The following PPT2 variants were observed in gnomAD, a reference collection of about 807,000 sequenced individuals.
The protein encoded by PPT2 is lysosomal thioesterase PPT2.
PPT2 carries 20 observed loss-of-function variants against 37.3 expected under a neutral mutation model. That is an observed-to-expected ratio of 0.54 (90% CI 0.38 to 0.78). The LOEUF (loss-of-function observed/expected upper bound fraction) is 0.78. Ranked by LOEUF, PPT2 falls within the 30% of genes least tolerant of loss-of-function variation. The pLI is 0.00. For synonymous variants in PPT2, 135 were observed against 159.1 expected (o/e 0.85, Z 1.14); for missense variants, 270 against 389.8 (o/e 0.69, Z 2.59).
upstream of PPT2, chr6:32,153,963 G>A: frequency 7.5e-7 from 1 of 1,339,876 alleles, no homozygotes; most frequent in East Asian, 3.0e-5. The surrounding 1 kb of genome is among the most constrained non-coding windows in gnomAD (Gnocchi z 4.4). Context: ...TCTCCCCACT[G>A]GCCTAAATGG....
Position 32,156,979 on chromosome 6 carries a change from G to A in PPT2, c.542-658G>A, listed in dbSNP as rs545274442. The A allele has an allele frequency of 1.3e-4, 19 of 151,532 alleles. No individual in the cohort carries two copies. In the Admixed American group the frequency reaches 1.3e-3, roughly 10 times the overall value. 9.4% of individuals were successfully genotyped at this position (151,532 alleles called of 1,614,324 possible). A position where few individuals can be genotyped will look rare whatever the true frequency, so the allele number is the denominator to read the frequency against. On this transcript the variant is annotated intron_variant, in intron 5 of 8. Transcript: ENST00000324816. This position sits in a 1 kb window ranked among gnomAD's most constrained non-coding sequence, Gnocchi z 4.9. Reference sequence around the variant, plus strand: ...GCGCATCACCTGAGGTCGGGTTCGAGACCAGCCTGGCCAACATGGTGAAAC... The same window carrying A: ...GCGCATCACCTGAGGTCGGGTTCGAAACCAGCCTGGCCAACATGGTGAAAC...
Position 32,163,301 on chromosome 6 carries a change from G to A in PPT2, c.*351G>A. The A allele has an allele frequency of 3.7e-6, 1 of 273,158 alleles. No individual in the cohort carries two copies. Among genetic ancestry groups the A allele is most frequent in the Non-Finnish European group, 6.9e-6 (1 of 144,306 alleles). 16.9% of individuals were successfully genotyped at this position (273,158 alleles called of 1,614,324 possible). A position where few individuals can be genotyped will look rare whatever the true frequency, so the allele number is the denominator to read the frequency against. On this transcript the variant is annotated 3_prime_UTR_variant, in exon 9 of 9. Transcript: ENST00000324816. ...CTCCGTATCTGGCTGTATGGGTGGA[G>A]AACCCACCCCCTGCCCACCACAGGG...
In PPT2 at chr6:32,162,282, C is replaced by G. The variant is rs547123562; in HGVS notation, c.711-286C>G. On this transcript the variant is annotated intron_variant, in intron 7 of 8. Coordinates refer to ENST00000324816, the MANE Select transcript of PPT2 (RefSeq NM_005155.7). This position sits in a 1 kb window ranked among gnomAD's most constrained non-coding sequence, Gnocchi z 5.5. ...TCACCCAGGCTGAAGTGCAGTGGTGCGATCTCGACTCAATGCAACCTCCAC... is the reference window on the plus strand; with the variant it reads ...TCACCCAGGCTGAAGTGCAGTGGTGGGATCTCGACTCAATGCAACCTCCAC... Among the ~76,000 whole-genome samples the G allele has an allele frequency of 6.6e-6, 1 of 152,080 alleles. No individual in the cohort carries two copies. Among genetic ancestry groups the G allele is most frequent in the Non-Finnish European group, 1.5e-5 (1 of 68,020 alleles).
Position 32,155,787 on chromosome 6 carries a change from A to C in PPT2, c.433+4A>C. ...CCACAGATGGGACAGTATGGAGGTGAGTGGGCACTAGACTCCATAGAATGC... is the reference window on the plus strand; with the variant it reads ...CCACAGATGGGACAGTATGGAGGTGCGTGGGCACTAGACTCCATAGAATGC... On this transcript the variant is annotated splice_donor_region_variant and intron_variant, in intron 4 of 8. Transcript: ENST00000324816. This position sits in a 1 kb window ranked among gnomAD's most constrained non-coding sequence, Gnocchi z 4.3. 2 of 1,612,786 alleles carry C rather than the reference A, an allele frequency of 1.2e-6. No homozygotes were observed. Among genetic ancestry groups the C allele is most frequent in the Non-Finnish European group, 1.7e-6 (2 of 1,178,814 alleles).
intron 7 of PPT2, among the ~76,000 whole-genome samples, chr6:32,159,335 A>G (rs1340643856): frequency 6.7e-6 from 1 of 149,716 alleles, no homozygotes; most frequent in East Asian, 2.0e-4. Flanking sequence ...TGGGAGGCTG[A>G]GGCAGGAGAA....
At chr6:32,154,060 C>T (rs1783546666), upstream of PPT2, 1 of 1,106,010 alleles carries the variant, frequency 9.0e-7, no homozygotes, top group Non-Finnish European at 1.1e-6. The surrounding 1 kb of genome is among the most constrained non-coding windows in gnomAD (Gnocchi z 7.3). Context: ...TTGCGGGGAA[C>T]GCTCGCGCGG....
intron 7 of PPT2, among the ~76,000 whole-genome samples, chr6:32,159,761 G>A (rs1243252079): frequency 4.1e-5 from 6 of 144,770 alleles, no homozygotes; most frequent in Non-Finnish European, 7.5e-5. Flanking sequence ...TGTTCTTGTC[G>A]CCCAGGCTAG....
rs1783823406 is a variant in PPT2 at position 32,156,626 on chromosome 6, A to T, written c.541+648A>T. Among the ~76,000 whole-genome samples the T allele has an allele frequency of 6.6e-6, 1 of 152,184 alleles. No homozygotes were observed. Among genetic ancestry groups the T allele is most frequent in the Non-Finnish European group, 1.5e-5 (1 of 68,028 alleles). On this transcript the variant is annotated intron_variant, in intron 5 of 8. Transcript: ENST00000324816. The surrounding 1 kb of genome is among the most constrained non-coding windows in gnomAD (Gnocchi z 4.9). ...GTTCCAGTAAAACTTCATTTACAAA[A>T]ACAAGTAGCAGGCTGGATTTGGTCC...
chr6:32,159,724 C>CTT (rs1262133551), intron 7 of PPT2, among the ~76,000 whole-genome samples: 4 of 141,850 alleles, frequency 2.8e-5, no homozygotes, highest in Non-Finnish European at 3.1e-5. Context: ...CTGTTTCTTC[C>CTT]TTTTTTTTTT....
In PPT2 at chr6:32,155,298, G is replaced by T; in HGVS notation, c.337+115G>T. 1 of 1,247,800 alleles carries T rather than the reference G, an allele frequency of 8.0e-7. No individual in the cohort carries two copies. The highest frequency in any genetic ancestry group is 1.1e-6 in the Non-Finnish European group (1 of 892,162). The allele number at this position is 1,247,800 out of a possible 1,614,324, so 77.3% of individuals were successfully genotyped here. On this transcript the variant is annotated intron_variant, in intron 3 of 8. Coordinates refer to ENST00000324816, the MANE Select transcript of PPT2 (RefSeq NM_005155.7). This position sits in a 1 kb window ranked among gnomAD's most constrained non-coding sequence, Gnocchi z 4.3. ...CCACATTGCTCCAGGCACAACCCTG[G>T]TACCTGAGCCCTTCCTTTCTGACTT...
At position 32,155,661 on chromosome 6, in the gene PPT2, C is replaced by G; in HGVS notation, c.338-27C>G. On this transcript the variant is annotated intron_variant, in intron 3 of 8. Coordinates refer to ENST00000324816, the MANE Select transcript of PPT2 (RefSeq NM_005155.7). This position sits in a 1 kb window ranked among gnomAD's most constrained non-coding sequence, Gnocchi z 4.3. ...TGCTGGCTTTGCTGTCCTTAAGTGC[C>G]TGCCCAATGTGGTGTTCTGCTTACA... The G allele has an allele frequency of 6.2e-7, 1 of 1,600,606 alleles. No homozygotes were observed. The highest frequency in any genetic ancestry group is 8.6e-7 in the Non-Finnish European group (1 of 1,168,748).
chr6:32,154,153 C>A lies in PPT2; in HGVS notation c.-260C>A, dbSNP rs561545255. 2 of 1,095,184 alleles carry A rather than the reference C, an allele frequency of 1.8e-6. No individual in the cohort carries two copies. The highest frequency in any genetic ancestry group is 2.2e-6 in the Non-Finnish European group (2 of 899,046). 67.8% of individuals were successfully genotyped at this position (1,095,184 alleles called of 1,614,324 possible). ...CCCCCTCCCATCCGTCATTCCCCTG[C>A]GCTCTCTTTCCTCACCCTTCCCCCC... On this transcript the variant is annotated 5_prime_UTR_variant, in exon 1 of 9. Transcript: ENST00000324816. This position sits in a 1 kb window ranked among gnomAD's most constrained non-coding sequence, Gnocchi z 7.3.
rs1554127208 is a variant in PPT2 at position 32,155,584 on chromosome 6, C to CTCTCTGTG, written c.338-103_338-102insCTCTGTGT. The CTCTCTGTG allele has an allele frequency of 7.2e-6, 5 of 698,634 alleles. No individual in the cohort carries two copies. The African/African-American group carries it at 1.1e-4, about 15-fold the overall frequency. The allele number at this position is 698,634 out of a possible 1,614,324, so 43.3% of individuals were successfully genotyped here. ...GTACAGTGTGTGTCTGTGTGTGTCTCTGTGTGTGTGTGTGTGTGTGTGTGT... is the reference window on the plus strand; with the variant it reads ...GTACAGTGTGTGTCTGTGTGTGTCTCTCTCTGTGTGTGTGTGTGTGTGTGTGTGTGTGT... On this transcript the variant is annotated intron_variant, in intron 3 of 8. Transcript: ENST00000324816. The surrounding 1 kb of genome is among the most constrained non-coding windows in gnomAD (Gnocchi z 4.3).
chr6:32,158,195 A>T, intron 7 of PPT2: 1 of 430,736 alleles, frequency 2.3e-6, no homozygotes, highest in Admixed American at 4.0e-5. Flanking sequence ...ATTCTTATAG[A>T]TTCATAGGAA....
rs1214672335 is a variant in PPT2 at position 32,154,537 on chromosome 6, G to A, written c.-8-50G>A. On this transcript the variant is annotated intron_variant, in intron 1 of 8. Coordinates refer to ENST00000324816, the MANE Select transcript of PPT2 (RefSeq NM_005155.7). The surrounding 1 kb of genome is among the most constrained non-coding windows in gnomAD (Gnocchi z 7.3). ...TGATTGCCGGGCGTCTGTTCCGAGG[G>A]AGGAGGGTGTTGCCATCTCCCTCAC... 1.3e-6 allele frequency: 2 copies of A among 1,555,520 alleles called. No individual in the cohort carries two copies. Among genetic ancestry groups the A allele is most frequent in the South Asian group, 1.2e-5 (1 of 83,510 alleles).
At position 32,156,039 on chromosome 6, in the gene PPT2, A is replaced by G. The variant is rs551916341; in HGVS notation, c.541+61A>G. On this transcript the variant is annotated intron_variant, in intron 5 of 8. Coordinates refer to ENST00000324816, the MANE Select transcript of PPT2 (RefSeq NM_005155.7). This position sits in a 1 kb window ranked among gnomAD's most constrained non-coding sequence, Gnocchi z 4.9. ...CAGGTCAGTTGCTTCCACCTCTGCT[A>G]CAACCAATAGCAGTGATGACAATAA... 1.7e-6 allele frequency: 2 copies of G among 1,202,266 alleles called. No individual in the cohort carries two copies. Among genetic ancestry groups the G allele is most frequent in the East Asian group, 4.6e-5 (2 of 43,018 alleles). The allele number at this position is 1,202,266 out of a possible 1,614,324, so 74.5% of individuals were successfully genotyped here. A position where few individuals can be genotyped will look rare whatever the true frequency, so the allele number is the denominator to read the frequency against.
At position 32,155,725 on chromosome 6, in the gene PPT2, T is replaced by G. The variant is rs1411790409; in HGVS notation, c.375T>G (p.Asp125Glu). The change falls in exon 4 of 9, where the codon GAT (aspartate) becomes GAG (glutamate). Residue 125 changes from aspartate to glutamate, a missense_variant. Coordinates refer to ENST00000324816, the MANE Select transcript of PPT2 (RefSeq NM_005155.7). This position sits in a 1 kb window ranked among gnomAD's most constrained non-coding sequence, Gnocchi z 4.3. ...LVCRALLSVM[D>E]DHNVDSFISL... The stretch of plus-strand genomic sequence containing the variant: ...GCCGGGCTCTGCTTTCTGTCATGGA[T>G]GATCACAACGTGGATTCTTTCATCT... 4.3e-6 allele frequency: 7 copies of G among 1,614,112 alleles called. No homozygotes were observed. The highest frequency in any genetic ancestry group is 5.9e-6 in the Non-Finnish European group (7 of 1,180,018).
In PPT2 at chr6:32,156,070, A is replaced by G; in HGVS notation, c.541+92A>G. The G allele has an allele frequency of 9.7e-7, 1 of 1,026,262 alleles. No individual in the cohort carries two copies. Among genetic ancestry groups the G allele is most frequent in the Non-Finnish European group, 1.5e-6 (1 of 668,684 alleles). The allele number at this position is 1,026,262 out of a possible 1,614,324, so 63.6% of individuals were successfully genotyped here. A position where few individuals can be genotyped will look rare whatever the true frequency, so the allele number is the denominator to read the frequency against. On this transcript the variant is annotated intron_variant, in intron 5 of 8. Transcript: ENST00000324816. The surrounding 1 kb of genome is among the most constrained non-coding windows in gnomAD (Gnocchi z 4.9). ...AATAGCAGTGATGACAATAAAGATA[A>G]CTTACATTTATTGAGTTATTTGAAC...
At chr6:32,157,761 C>T (rs778134827) in intron 6 of PPT2, 41 bp downstream of exon 6, 8 of 1,566,216 alleles carry the variant, frequency 5.1e-6, no homozygotes, top group Non-Finnish European at 7.0e-6. Flanking sequence ...TTTTCTGCTT[C>T]TTTGACTCCC....
Sources: allele counts gnomAD v4.1 joint callset (sites outside exome capture counted in the v4.1 genomes callset), GRCh38; gene constraint gnomAD v4.1.1; non-coding constraint Gnocchi (gnomAD v3.1); transcripts MANE v1.5; gene names NCBI Gene and HGNC (gene_info 2026-07-23, HGNC 2026-07-21).